The following TPST2 variants were observed in gnomAD, a reference collection of about 807,000 sequenced individuals.
TPST2 encodes the protein tyrosylprotein sulfotransferase 2, also known as protein-tyrosine sulfotransferase 2.
In TPST2, 16 loss-of-function variants were observed where a neutral mutation model predicts 27.8. The observed-to-expected ratio is 0.58, with a 90% CI of 0.39 to 0.88. The LOEUF (loss-of-function observed/expected upper bound fraction) is 0.88. Ranked by LOEUF, TPST2 falls within the 40% of genes least tolerant of loss-of-function variation. TPST2 has a pLI of 0.00. For missense variants in TPST2, 464 were observed against 543.1 expected (o/e 0.85, Z 1.45); for synonymous variants, 229 against 231.7 (o/e 0.99, Z 0.10).
chr22:26,569,632 G>C (rs888291398), intron 1 of TPST2, among the ~76,000 whole-genome samples: 1 of 151,724 alleles, frequency 6.6e-6, no homozygotes, highest in African/African-American at 2.4e-5. Context: ...CTGGGCAACA[G>C]AGAGACTTTG....
chr22:26,578,779 C>A (rs1927966316), intron 1 of TPST2, among the ~76,000 whole-genome samples: 1 of 152,008 alleles, frequency 6.6e-6, no homozygotes, highest in Non-Finnish European at 1.5e-5. Context: ...TGATCCAGAA[C>A]AAGTTACCTC....
intron 1 of TPST2, among the ~76,000 whole-genome samples, chr22:26,581,976 A>C (rs1364392156): frequency 6.6e-6 from 1 of 152,232 alleles, no homozygotes; most frequent in Admixed American, 6.5e-5. Flanking sequence ...TTACAAATAC[A>C]GGTAGCGGGC....
intron 3 of TPST2, among the ~76,000 whole-genome samples, chr22:26,538,667 T>C (rs145021102): frequency 1.3e-5 from 2 of 151,870 alleles, no homozygotes; most frequent in South Asian, 2.1e-4. Flanking sequence ...ACTAAAAATA[T>C]AAAAATTAGC....
At chr22:26,530,346 G>C (rs548329490) in intron 5 of TPST2, among the ~76,000 whole-genome samples, 22 of 152,164 alleles carry the variant, frequency 1.4e-4, no homozygotes, top group African/African-American at 4.6e-4. Context: ...CATCATTTGG[G>C]TTTCACTAGC....
intron 1 of TPST2, among the ~76,000 whole-genome samples, chr22:26,588,009 A>C (rs1203874480): frequency 1.4e-5 from 2 of 138,978 alleles, no homozygotes; most frequent in African/African-American, 2.5e-5. Flanking sequence ...CAATCATTCC[A>C]CTCCTAGAAA....
At chr22:26,554,603 C>T (rs1486147282) in intron 1 of TPST2, among the ~76,000 whole-genome samples, 2 of 152,208 alleles carry the variant, frequency 1.3e-5, no homozygotes, top group Non-Finnish European at 2.9e-5. Context: ...TTGTGCCTCA[C>T]TTTCCTCATC....
At chr22:26,555,382 C>G (rs1168801506) in intron 1 of TPST2, 9 of 397,836 alleles carry the variant, frequency 2.3e-5, no homozygotes. Context: ...GAGTGTAGAC[C>G]TAAAGTTGGA....
intron 3 of TPST2, 97 bp from the exon 4 acceptor site, chr22:26,536,583 G>A (rs1313592574): frequency 3.3e-6 from 4 of 1,213,752 alleles, no homozygotes; most frequent in African/African-American, 1.5e-5. Context: ...GGAAAGACTG[G>A]AGAAACCTGG....
At chr22:26,554,862 C>T (rs1285334199) in intron 1 of TPST2, among the ~76,000 whole-genome samples, 2 of 152,222 alleles carry the variant, frequency 1.3e-5, no homozygotes, top group African/African-American at 4.8e-5. Flanking sequence ...TGCTTGAACC[C>T]AGGAGGAGGA....
chr22:26,546,242 T>C (rs1926116985), intron 1 of TPST2, among the ~76,000 whole-genome samples: 2 of 152,068 alleles, frequency 1.3e-5, no homozygotes, highest in Non-Finnish European at 2.9e-5. Flanking sequence ...TCAGGCCAAT[T>C]AGGACATCTA....
Position 26,586,484 on chromosome 22 carries a change from A to G in TPST2, c.-161+3569T>C, listed in dbSNP as rs1474084984. Among the ~76,000 whole-genome samples the G allele has an allele frequency of 2.0e-5, 3 of 152,174 alleles. No homozygotes were observed. The South Asian group carries it at 6.2e-4, about 32-fold the overall frequency. Reference sequence around the variant, plus strand: ...AGGCTGGTCTCAAACTCCTAGGTTCAACCAATCCATCCACCTCAGCCTCCA... The same window carrying G: ...AGGCTGGTCTCAAACTCCTAGGTTCGACCAATCCATCCACCTCAGCCTCCA... On this transcript the variant is annotated intron_variant, in intron 1 of 6. Coordinates refer to ENST00000338754, the MANE Select transcript of TPST2 (RefSeq NM_003595.5).
chr22:26,551,564 T>C (rs939910054), intron 1 of TPST2, among the ~76,000 whole-genome samples: 2 of 152,164 alleles, frequency 1.3e-5, no homozygotes, highest in South Asian at 4.1e-4. Flanking sequence ...GCTTTGCATT[T>C]TTTTTTACCT....
intron 1 of TPST2, among the ~76,000 whole-genome samples, chr22:26,557,993 G>A (rs1681007513): frequency 6.6e-6 from 1 of 150,832 alleles, no homozygotes; most frequent in South Asian, 2.1e-4. Flanking sequence ...ACTGCAGTGA[G>A]CTGTGATCAC....
chr22:26,575,885 A>C (rs1270224760), intron 1 of TPST2, among the ~76,000 whole-genome samples: 1 of 152,126 alleles, frequency 6.6e-6, no homozygotes, highest in East Asian at 1.9e-4. Flanking sequence ...AATCCCAGCT[A>C]CTGAGGAGGC....
At chr22:26,557,330 G>A (rs1410924127) in intron 1 of TPST2, among the ~76,000 whole-genome samples, 2 of 152,230 alleles carry the variant, frequency 1.3e-5, no homozygotes, top group Non-Finnish European at 2.9e-5. Context: ...ACCCTTGGCA[G>A]CATCACCTCC....
intron 1 of TPST2, among the ~76,000 whole-genome samples, chr22:26,561,712 G>A (rs1352280396): frequency 6.6e-6 from 1 of 152,104 alleles, no homozygotes; most frequent in Non-Finnish European, 1.5e-5. Context: ...ATTAGTATCT[G>A]GAATCTAGCA....
intron 1 of TPST2, among the ~76,000 whole-genome samples, chr22:26,549,221 C>A (rs1447725781): frequency 6.6e-6 from 1 of 152,054 alleles, no homozygotes; most frequent in African/African-American, 2.4e-5. Flanking sequence ...GATTTTTATC[C>A]CCATCTGAGA....
At chr22:26,550,039 C>CAA (rs113296696) in intron 1 of TPST2, among the ~76,000 whole-genome samples, 28,063 of 139,652 alleles carry the variant, frequency 0.2, 3,076 homozygotes, top group Non-Finnish European at 0.24. Context: ...GACTCCATCT[C>CAA]AAAAAAAAAA....
At position 26,523,647 on chromosome 22, in the gene TPST2, T is replaced by C. The variant is rs134163; in HGVS notation, c.*2628A>G. On this transcript the variant is annotated 3_prime_UTR_variant, in exon 7 of 7. Transcript: ENST00000338754. ...TTGCCCAGGCTGGAGTGTACTAGCA[T>C]GATCTTGGTTCACTGCAACCTCTGC... 0.55 allele frequency: 83,365 copies of C among 152,066 alleles called. 24,232 individuals are homozygous for C. The highest frequency in any genetic ancestry group is 0.74 in the African/African-American group (30,829 of 41,502). 9.4% of individuals were successfully genotyped at this position (152,066 alleles called of 1,614,324 possible).
Sources: gnomAD v4.1 joint callset for allele counts (sites outside exome capture counted in the v4.1 genomes callset) on GRCh38, gnomAD v4.1.1 for gene constraint, MANE v1.5 for transcripts, NCBI Gene and HGNC (gene_info 2026-07-23, HGNC 2026-07-21) for gene names.